GPC5: variants seen among roughly 807,000 people sequenced by gnomAD.
The protein encoded by GPC5 is glypican-5.
GPC5 carries 47 observed loss-of-function variants against 53.9 expected under a neutral mutation model. The ratio of observed to expected loss-of-function variants is 0.87; its 90% CI spans 0.69 to 1.11. The LOEUF is 1.11. Ranked by LOEUF, GPC5 falls within the 50% of genes most tolerant of loss-of-function variation. The probability of loss-of-function intolerance (pLI) is 0.00; values close to 1 mark genes in which losing one functional copy is unlikely to be tolerated. For missense variants in GPC5, 748 were observed against 713.1 expected, an observed-to-expected ratio of 1.05 and a Z score of -0.56; for synonymous variants, 286 against 263.3, an observed-to-expected ratio of 1.09 and a Z score of -0.84.
intron 7 of GPC5, among the ~76,000 whole-genome samples, chr13:92,761,844 C>G (rs569552037): frequency 3.9e-5 from 6 of 152,024 alleles, no homozygotes; most frequent in Non-Finnish European, 5.9e-5. Context: ...CTTCTAGCAG[C>G]TTTCCCCACA....
intron 6 of GPC5, among the ~76,000 whole-genome samples, chr13:92,057,360 C>T (rs6492570): frequency 0.56 from 85,126 of 151,950 alleles, 24,173 homozygotes; most frequent in East Asian, 0.79. Context: ...TAAAACAGAC[C>T]GGAATGCCAG....
chr13:92,214,135 T>C (rs1175655315), intron 7 of GPC5, among the ~76,000 whole-genome samples: 1 of 152,138 alleles, frequency 6.6e-6, no homozygotes, highest in Non-Finnish European at 1.5e-5. Context: ...TCCCAGCTGT[T>C]TTCTATCATA....
intron 7 of GPC5, among the ~76,000 whole-genome samples, chr13:92,364,289 T>C (rs1017409884): frequency 6.6e-6 from 1 of 151,798 alleles, no homozygotes; most frequent in Non-Finnish European, 1.5e-5. Context: ...AAATACACAA[T>C]GGCAATTGAA....
At chr13:92,389,289 A>G (rs2139321445) in intron 7 of GPC5, among the ~76,000 whole-genome samples, 1 of 152,264 alleles carries the variant, frequency 6.6e-6, no homozygotes, top group East Asian at 1.9e-4. Context: ...GATATACATA[A>G]GATCACACCC....
At chr13:91,570,441 C>T (rs1483858380) in intron 2 of GPC5, among the ~76,000 whole-genome samples, 2 of 152,082 alleles carry the variant, frequency 1.3e-5, no homozygotes, top group African/African-American at 4.8e-5. Context: ...TTCAAATTCC[C>T]AAAGCACTTG....
At chr13:91,403,984 T>C (rs1877139965) in intron 1 of GPC5, among the ~76,000 whole-genome samples, 1 of 152,192 alleles carries the variant, frequency 6.6e-6, no homozygotes, top group Non-Finnish European at 1.5e-5. Context: ...TTGCCGAGTG[T>C]CCAACATCCT....
chr13:91,589,365 C>T (rs992592416), intron 2 of GPC5, among the ~76,000 whole-genome samples: 1 of 151,994 alleles, frequency 6.6e-6, no homozygotes, highest in African/African-American at 2.4e-5. Flanking sequence ...CTCCCCACCA[C>T]CTGTTTCTAG....
At position 92,565,122 on chromosome 13, in the gene GPC5, G is replaced by A. The variant is rs75044951; in HGVS notation, c.1562-301160G>A. On this transcript the variant is annotated intron_variant, in intron 7 of 7. Coordinates refer to ENST00000377067, the MANE Select transcript of GPC5 (RefSeq NM_004466.6). ...ATTCTGGAGTCCACTAATACCTAAA[G>A]TATTTGTCAATTAAGCATAATTTTG... is the stretch of plus-strand genomic sequence containing the variant. Among the ~76,000 whole-genome samples the A allele has an allele frequency of 2.5e-3, 387 of 152,040 alleles. 2 individuals carry two copies. Among genetic ancestry groups the A allele is most frequent in the African/African-American group, 8.7e-3 (362 of 41,512 alleles).
At chr13:91,673,089 G>A (rs1030096935) in intron 2 of GPC5, among the ~76,000 whole-genome samples, 3 of 152,096 alleles carry the variant, frequency 2.0e-5, no homozygotes, top group African/African-American at 7.2e-5. Flanking sequence ...GGGGGTTAGG[G>A]GGTGAGGGGA....
At chr13:92,650,576 G>A (rs1885924560) in intron 7 of GPC5, among the ~76,000 whole-genome samples, 1 of 152,102 alleles carries the variant, frequency 6.6e-6, no homozygotes, top group Non-Finnish European at 1.5e-5. Flanking sequence ...ATACAGGCCA[G>A]ATATTCTTGA....
At chr13:91,487,845 G>A (rs1883702926) in intron 2 of GPC5, among the ~76,000 whole-genome samples, 1 of 151,688 alleles carries the variant, frequency 6.6e-6, no homozygotes, top group Admixed American at 6.6e-5. Context: ...CCATATGTTA[G>A]GATTATCCTA....
intron 2 of GPC5, among the ~76,000 whole-genome samples, chr13:91,638,853 C>CT (rs2034349913): frequency 6.6e-6 from 1 of 152,072 alleles, no homozygotes; most frequent in African/African-American, 2.4e-5. Context: ...TATTTATTAG[C>CT]TTTTGGGATG....
chr13:92,135,452 G>T (rs1470992103), intron 6 of GPC5, among the ~76,000 whole-genome samples: 4 of 152,070 alleles, frequency 2.6e-5, no homozygotes, highest in Admixed American at 1.3e-4. Context: ...GTAGAGTTTG[G>T]ACAACGACAC....
At chr13:92,456,958 G>T (rs1438784121) in intron 7 of GPC5, among the ~76,000 whole-genome samples, 2 of 152,044 alleles carry the variant, frequency 1.3e-5, no homozygotes, top group Non-Finnish European at 2.9e-5. Context: ...CAGGTACTAA[G>T]AATAGTACCC....
intron 7 of GPC5, among the ~76,000 whole-genome samples, chr13:92,399,272 C>T (rs1875446731): frequency 6.6e-6 from 1 of 152,012 alleles, no homozygotes; most frequent in Non-Finnish European, 1.5e-5. Context: ...AAATATAGAC[C>T]CTTAAAATAA....
intron 7 of GPC5, among the ~76,000 whole-genome samples, chr13:92,436,676 C>A (rs1189961806): frequency 6.6e-6 from 1 of 152,130 alleles, no homozygotes; most frequent in African/African-American, 2.4e-5. Flanking sequence ...TGTATTCAAA[C>A]CACTCATCAC....
intron 2 of GPC5, among the ~76,000 whole-genome samples, chr13:91,516,955 T>C (rs1312828684): frequency 6.6e-6 from 1 of 152,118 alleles, no homozygotes; most frequent in East Asian, 1.9e-4. Flanking sequence ...CTGGAGCAGC[T>C]AGGACACAGG....
At chr13:92,502,770 T>A (rs1167468553) in intron 7 of GPC5, among the ~76,000 whole-genome samples, 1 of 152,042 alleles carries the variant, frequency 6.6e-6, no homozygotes, top group East Asian at 1.9e-4. Context: ...AACATTCTTT[T>A]CTCAGTAGCT....
chr13:92,633,585 C>T (rs35044628), intron 7 of GPC5, among the ~76,000 whole-genome samples: 53,071 of 151,824 alleles, frequency 0.35, 10,452 homozygotes, highest in Non-Finnish European at 0.46. Context: ...TTATATCTTT[C>T]TGTATATTAA....
Sources: gnomAD v4.1 joint callset for allele counts (sites outside exome capture counted in the v4.1 genomes callset) on GRCh38, gnomAD v4.1.1 for gene constraint, MANE v1.5 for transcripts, NCBI Gene and HGNC (gene_info 2026-07-23, HGNC 2026-07-21) for gene names.